Variants in RIT2 observed in about 807,000 individuals in gnomAD.
RIT2 encodes the protein GTP-binding protein Rit2.
Under a neutral mutation model 23.7 loss-of-function variants are expected in RIT2, and 24 were observed. That is an observed-to-expected ratio of 1.01 (90% confidence interval 0.73 to 1.43). RIT2 has a LOEUF of 1.43. Among genes scored for constraint, RIT2 ranks in the 40% most tolerant of loss-of-function variants. The pLI, the probability that RIT2 is intolerant of heterozygous loss-of-function variation, is 0.00. For missense variants in RIT2, 236 were observed against 266.9 expected, an observed-to-expected ratio of 0.88 and a Z score of 0.81; for synonymous variants, 107 against 91.1, an observed-to-expected ratio of 1.17 and a Z score of -0.99.
In RIT2 at chr18:43,115,617, G is replaced by A. The variant is rs1219982398; in HGVS notation, c.-98C>T. 2.7e-6 allele frequency: 4 copies of A among 1,480,454 alleles called. No individual in the cohort carries two copies. Among genetic ancestry groups the A allele is most frequent in the Non-Finnish European group, 3.6e-6 (4 of 1,121,388 alleles). The allele number at this position is 1,480,454 out of a possible 1,614,324, so 91.7% of individuals were successfully genotyped here. ...AACTCTAAAACTGTGTCAAAGCAAA[G>A]GTTTTAGTACGAGGTAAGAACCATC... On this transcript the variant is annotated 5_prime_UTR_variant, in exon 1 of 5. Transcript: ENST00000326695.
chr18:42,917,596 A>G (rs1054731991), intron 4 of RIT2, among the ~76,000 whole-genome samples: 2 of 152,164 alleles, frequency 1.3e-5, no homozygotes, highest in Admixed American at 6.6e-5. Flanking sequence ...CCAACCAACG[A>G]CAAGACTGAC....
chr18:43,106,287 CACAA>C lies in RIT2; in HGVS notation c.103+9126_103+9129del, dbSNP rs534434713. Among the ~76,000 whole-genome samples, 5 of 152,288 alleles carry C rather than the reference CACAA, an allele frequency of 3.3e-5. No homozygotes were observed. In the East Asian group the frequency reaches 9.6e-4, roughly 29 times the overall value. ...TTGTGAATGCACGCAGATTTATGAA[CACAA>C]ACACACACTTTATTGCTCATTTTAA... On this transcript the variant is annotated intron_variant, in intron 1 of 4. Transcript: ENST00000326695.
intron 1 of RIT2, among the ~76,000 whole-genome samples, chr18:43,097,024 A>T (rs1160692205): frequency 6.6e-6 from 1 of 151,928 alleles, no homozygotes; most frequent in African/African-American, 2.4e-5. Context: ...GAATTAGAAG[A>T]AACTAATTTT....
At chr18:43,039,904 A>G (rs1050331209) in intron 1 of RIT2, among the ~76,000 whole-genome samples, 1 of 152,150 alleles carries the variant, frequency 6.6e-6, no homozygotes, top group African/African-American at 2.4e-5. Flanking sequence ...TTTTTCATGG[A>G]GAATTTAGGT....
intron 4 of RIT2, among the ~76,000 whole-genome samples, chr18:42,900,057 A>T (rs2144105238): frequency 6.6e-6 from 1 of 152,208 alleles, no homozygotes; most frequent in Admixed American, 6.5e-5. Context: ...CTAATTAATT[A>T]TTAACCTCCA....
intron 4 of RIT2, among the ~76,000 whole-genome samples, chr18:42,871,666 G>A (rs566143739): frequency 2.6e-4 from 39 of 152,242 alleles, no homozygotes; most frequent in African/African-American, 9.4e-4. Flanking sequence ...TCCTCAGCCT[G>A]GGCCAACCAG....
At chr18:43,026,158 T>C (rs1181479643) in intron 2 of RIT2, among the ~76,000 whole-genome samples, 1 of 151,600 alleles carries the variant, frequency 6.6e-6, no homozygotes, top group African/African-American at 2.4e-5. Flanking sequence ...GGAAGTAGAG[T>C]CAACAAGACC....
chr18:43,033,618 C>T (rs575573119), intron 2 of RIT2, among the ~76,000 whole-genome samples, 193 bp downstream of exon 2: 14 of 152,176 alleles, frequency 9.2e-5, no homozygotes, highest in South Asian at 2.1e-4. Flanking sequence ...CCAGACTACC[C>T]GGCAAGAAGT....
In RIT2 at chr18:43,096,918, T is replaced by C. The variant is rs530225387; in HGVS notation, c.103+18499A>G. On this transcript the variant is annotated intron_variant, in intron 1 of 4. Transcript: ENST00000326695. ...GTACTATGCTAAAAACAAAATCTAATGGACTGAGAGAAAAATGTAATGAAG... is the reference window on the plus strand; with the variant it reads ...GTACTATGCTAAAAACAAAATCTAACGGACTGAGAGAAAAATGTAATGAAG... 3.9e-5 allele frequency among the ~76,000 whole-genome samples: 6 copies of C among 152,006 alleles called. No individual in the cohort carries two copies. The East Asian group carries it at 1.2e-3, about 29-fold the overall frequency.
At chr18:42,957,906 C>T (rs1017773520) in intron 3 of RIT2, among the ~76,000 whole-genome samples, 4 of 152,202 alleles carry the variant, frequency 2.6e-5, no homozygotes, top group East Asian at 1.9e-4. Context: ...ATAAACCTGT[C>T]GGAGAGAGCT....
At chr18:42,958,002 G>A (rs554375029) in intron 3 of RIT2, among the ~76,000 whole-genome samples, 2 of 152,198 alleles carry the variant, frequency 1.3e-5, no homozygotes, top group East Asian at 3.9e-4. Flanking sequence ...AGAGGAAGCA[G>A]GGACCACTGG....
chr18:42,785,610 T>C (rs1913904637), intron 4 of RIT2, among the ~76,000 whole-genome samples: 2 of 152,248 alleles, frequency 1.3e-5, no homozygotes, highest in African/African-American at 4.8e-5. Context: ...GACTCAACCA[T>C]GAGGTTATTC....
chr18:42,923,195 C>T (rs555927549), intron 4 of RIT2, among the ~76,000 whole-genome samples: 1 of 152,206 alleles, frequency 6.6e-6, no homozygotes, highest in African/African-American at 2.4e-5. Flanking sequence ...GTCCACATGA[C>T]TATCTTCTCA....
At chr18:42,898,791 AG>A (rs1252086610) in intron 4 of RIT2, among the ~76,000 whole-genome samples, 1 of 152,172 alleles carries the variant, frequency 6.6e-6, no homozygotes, top group Non-Finnish European at 1.5e-5. Flanking sequence ...AATTGTAAAA[AG>A]TATGACCAAT....
chr18:43,000,252 T>C (rs1911072795), intron 2 of RIT2, among the ~76,000 whole-genome samples: 1 of 152,104 alleles, frequency 6.6e-6, no homozygotes, highest in Non-Finnish European at 1.5e-5. Context: ...TGTCACAATT[T>C]GCTTTGCATT....
At chr18:42,800,854 C>T (rs532652698) in intron 4 of RIT2, among the ~76,000 whole-genome samples, 1 of 152,186 alleles carries the variant, frequency 6.6e-6, no homozygotes, top group South Asian at 2.1e-4. Context: ...CTCCTCCAAA[C>T]TCTCTTATGT....
intron 3 of RIT2, among the ~76,000 whole-genome samples, chr18:42,942,079 T>C (rs1909616075): frequency 6.6e-6 from 1 of 152,020 alleles, no homozygotes; most frequent in Admixed American, 6.6e-5. Flanking sequence ...AGTTGTTTTA[T>C]AGTTGTTATC....
chr18:43,015,714 G>A (rs1419301549), intron 2 of RIT2, among the ~76,000 whole-genome samples: 1 of 151,664 alleles, frequency 6.6e-6, no homozygotes, highest in Non-Finnish European at 1.5e-5. Context: ...AAGCAGCAGA[G>A]CAGTGCCTGA....
chr18:42,767,529 G>C (rs1194820551), intron 4 of RIT2, among the ~76,000 whole-genome samples: 1 of 152,164 alleles, frequency 6.6e-6, no homozygotes, highest in African/African-American at 2.4e-5. Context: ...ATAGGCTGAA[G>C]GTACTTGCCT....
Sources: allele counts gnomAD v4.1 joint callset (sites outside exome capture counted in the v4.1 genomes callset), GRCh38; gene constraint gnomAD v4.1.1; transcripts MANE v1.5; gene names NCBI Gene and HGNC (gene_info 2026-07-23, HGNC 2026-07-21).